The following SPG11 variants were observed in gnomAD, a reference collection of about 807,000 sequenced individuals.
SPG11 encodes the protein spatacsin.
Under a neutral mutation model 274.0 loss-of-function variants are expected in SPG11, and 222 were observed. That is an observed-to-expected ratio of 0.81 (90% confidence interval 0.73 to 0.91). SPG11 has a LOEUF of 0.91. SPG11 is among the 40% of genes least tolerant of loss of function. The pLI, the probability that SPG11 is intolerant of heterozygous loss-of-function variation, is 0.00. For synonymous variants in SPG11, 1,144 were observed against 1,039.7 expected (o/e 1.10, Z -1.93); for missense variants, 3,114 against 2,872.7 (o/e 1.08, Z -1.92).
Position 44,661,173 on chromosome 15 carries a change from T to C in SPG11, c.258-557A>G, listed in dbSNP as rs954816527. 1.1e-4 allele frequency among the ~76,000 whole-genome samples: 16 copies of C among 152,258 alleles called. 1 individual carries two copies. The highest frequency in any genetic ancestry group is 7.9e-4 in the Admixed American group (12 of 15,286). On this transcript the variant is annotated intron_variant, in intron 1 of 39. Coordinates refer to ENST00000261866, the MANE Select transcript of SPG11 (RefSeq NM_025137.4). ...ACATGCAGCTACTGAACACTTGAAA[T>C]GTGGGGCAACTGAGGAACCAAATTT...
rs1382389311 is a variant in SPG11 at position 44,657,983 on chromosome 15, C to T, written c.668-687G>A. Among the ~76,000 whole-genome samples, 7 of 152,172 alleles carry T rather than the reference C, an allele frequency of 4.6e-5. 1 individual carries two copies. Among genetic ancestry groups the T allele is most frequent in the East Asian group, 1.9e-4 (1 of 5,190 alleles). On this transcript the variant is annotated intron_variant, in intron 3 of 39. Coordinates refer to ENST00000261866, the MANE Select transcript of SPG11 (RefSeq NM_025137.4). ...CAGGGGTTGCAGTGAGCCGAGATCACGCCACTGCACTCCAGCCTGGGTGAG... is the reference window on the plus strand; with the variant it reads ...CAGGGGTTGCAGTGAGCCGAGATCATGCCACTGCACTCCAGCCTGGGTGAG...
At chr15:44,585,250 T>C (rs2082731788) in intron 29 of SPG11, among the ~76,000 whole-genome samples, 1 of 152,040 alleles carries the variant, frequency 6.6e-6, no homozygotes, top group South Asian at 2.1e-4. Context: ...TCATTTGATT[T>C]ACTGTTTAAT....
chr15:44,641,586 T>TACAC (rs147901004), intron 7 of SPG11, among the ~76,000 whole-genome samples: 19,871 of 112,284 alleles, frequency 0.18, 1,932 homozygotes, highest in South Asian at 0.22. Context: ...CCAAATATCT[T>TACAC]ACACACACAC....
intron 15 of SPG11, among the ~76,000 whole-genome samples, chr15:44,619,193 C>T (rs769960167): frequency 2.6e-5 from 4 of 152,164 alleles, no homozygotes; most frequent in Non-Finnish European, 4.4e-5. Context: ...TCTGACTCTC[C>T]ACATCTTTAA....
At chr15:44,644,007 C>G (rs2084532904) in intron 7 of SPG11, among the ~76,000 whole-genome samples, 2 of 147,556 alleles carry the variant, frequency 1.4e-5, no homozygotes, top group Non-Finnish European at 3.0e-5. Context: ...ACTAAAAATA[C>G]AAAAAAAAAA....
intron 7 of SPG11, among the ~76,000 whole-genome samples, chr15:44,646,274 G>A (rs1471794269): frequency 6.6e-6 from 1 of 152,166 alleles, no homozygotes; most frequent in Non-Finnish European, 1.5e-5. Context: ...TAGTGTATTA[G>A]TAGTCTGTTC....
chr15:44,648,818 A>T lies in SPG11; in HGVS notation c.1602+48T>A, dbSNP rs577765148. The T allele has an allele frequency of 1.1e-5, 17 of 1,588,270 alleles. No homozygotes were observed. The Admixed American group carries it at 2.0e-4, about 19-fold the overall frequency. ...CAAATCCTAAATCGAATAAAAGTAT[A>T]TAACACAAAATAATTAAGTAATGTT... On this transcript the variant is annotated intron_variant, in intron 7 of 39. Coordinates refer to ENST00000261866, the MANE Select transcript of SPG11 (RefSeq NM_025137.4).
chr15:44,624,564 C>G (rs1382510055), intron 11 of SPG11, among the ~76,000 whole-genome samples: 1 of 152,058 alleles, frequency 6.6e-6, no homozygotes, highest in African/African-American at 2.4e-5. Flanking sequence ...AAGGTACAAA[C>G]TTTCAGATAT....
intron 34 of SPG11, 128 bp from the exon 35 acceptor site, chr15:44,569,633 A>G (rs2082376892): frequency 2.7e-6 from 2 of 746,412 alleles, no homozygotes; most frequent in Middle Eastern, 3.6e-4. Flanking sequence ...TTTCCAGGCT[A>G]CCATGCTTAG....
At chr15:44,608,347 C>T in intron 19 of SPG11, 97 bp downstream of exon 19, 1 of 1,324,282 alleles carries the variant, frequency 7.6e-7, no homozygotes, top group Non-Finnish European at 1.1e-6. Context: ...AAGTAATTCC[C>T]TACATTAAAT....
intron 30 of SPG11, among the ~76,000 whole-genome samples, chr15:44,577,717 G>C (rs2082570026): frequency 6.6e-6 from 1 of 152,004 alleles, no homozygotes; most frequent in Admixed American, 6.6e-5. Context: ...AAGGACTCTG[G>C]AAAAGTAAAA....
At chr15:44,585,541 G>A (rs1474229162) in intron 29 of SPG11, 95 bp downstream of exon 29, 2 of 998,054 alleles carry the variant, frequency 2.0e-6, no homozygotes, top group Non-Finnish European at 3.0e-6. Context: ...GGCGGAGCTT[G>A]CAGCGAGCGG....
intron 17 of SPG11, among the ~76,000 whole-genome samples, chr15:44,613,220 T>A (rs902080851): frequency 6.6e-6 from 1 of 152,212 alleles, no homozygotes; most frequent in African/African-American, 2.4e-5. Flanking sequence ...CAGAAGCTCT[T>A]TGCTCCAGGT....
intron 19 of SPG11, among the ~76,000 whole-genome samples, chr15:44,607,609 T>C (rs1660285887): frequency 6.6e-6 from 1 of 152,122 alleles, no homozygotes; most frequent in Non-Finnish European, 1.5e-5. Context: ...TTGAAGATAC[T>C]ATGAGAATAT....
chr15:44,629,330 A>G lies in SPG11; in HGVS notation c.1794T>C (p.Tyr598=). The change falls in exon 9 of 40, where the codon TAT becomes TAC. Residue 598 remains tyrosine, a synonymous_variant. Coordinates refer to ENST00000261866, the MANE Select transcript of SPG11 (RefSeq NM_025137.4). ...AAAAGTGTTTGCTTTGGGGTTCAGA[A>G]TAACTTTCTCTAATTGCCGAGCAAA... ...DLLCSAIRES[Y]SEPQSKHFSE... is the part of the protein sequence containing the mutation. The G allele has an allele frequency of 6.2e-7, 1 of 1,614,180 alleles. No homozygotes were observed. Among genetic ancestry groups the G allele is most frequent in the Non-Finnish European group, 8.5e-7 (1 of 1,180,006 alleles).
At chr15:44,568,258 A>G (rs1442581492) in intron 35 of SPG11, among the ~76,000 whole-genome samples, 7 of 152,210 alleles carry the variant, frequency 4.6e-5, no homozygotes, top group Non-Finnish European at 1.0e-4. Context: ...ATCAGGAAAA[A>G]GTTATTAAAA....
intron 6 of SPG11, among the ~76,000 whole-genome samples, chr15:44,650,524 C>T (rs1324416044): frequency 4.0e-5 from 6 of 150,768 alleles, no homozygotes; most frequent in African/African-American, 1.2e-4. Context: ...AGTGGTGGTG[C>T]GTGCCTGTGG....
chr15:44,568,411 G>T (rs955783670), intron 35 of SPG11, among the ~76,000 whole-genome samples: 1 of 152,186 alleles, frequency 6.6e-6, no homozygotes, highest in Non-Finnish European at 1.5e-5. Context: ...ATTAAAGAGA[G>T]ATTTTTTTCT....
At chr15:44,651,366 A>T in intron 6 of SPG11, 125 bp downstream of exon 6, 1 of 825,810 alleles carries the variant, frequency 1.2e-6, no homozygotes, top group South Asian at 1.6e-5. Flanking sequence ...AATAACAAGA[A>T]ACTTCCTCTA....
Sources: allele counts gnomAD v4.1 joint callset (sites outside exome capture counted in the v4.1 genomes callset), GRCh38; gene constraint gnomAD v4.1.1; transcripts MANE v1.5; gene names NCBI Gene and HGNC (gene_info 2026-07-23, HGNC 2026-07-21).